GPT2: variants seen among roughly 807,000 people sequenced by gnomAD.
The protein encoded by GPT2 is glutamic--pyruvic transaminase 2.
In GPT2, 30 loss-of-function variants were observed where a neutral mutation model predicts 56.9. The ratio of observed to expected loss-of-function variants is 0.53; its 90% CI spans 0.39 to 0.72. GPT2 has a LOEUF of 0.72. Ranked by LOEUF, GPT2 falls within the 30% of genes least tolerant of loss-of-function variation. The pLI, the probability that GPT2 is intolerant of heterozygous loss-of-function variation, is 0.00. For missense variants in GPT2, 542 were observed against 703.4 expected (o/e 0.77, Z 2.60); for synonymous variants, 271 against 283.1 (o/e 0.96, Z 0.43).
At chr16:46,905,568 G>A (rs1374935829) in intron 4 of GPT2, among the ~76,000 whole-genome samples, 1 of 152,094 alleles carries the variant, frequency 6.6e-6, no homozygotes, top group Non-Finnish European at 1.5e-5. Context: ...TTCCACATCT[G>A]ACCCCCAGCC....
rs1961501788 is a variant in GPT2, at chr16:46,929,864, T to G, written c.*867T>G. 1 of 152,348 alleles carries G rather than the reference T, an allele frequency of 6.6e-6. No individual in the cohort carries two copies. The highest frequency in any genetic ancestry group is 6.5e-5 in the Admixed American group (1 of 15,280). 9.4% of individuals were successfully genotyped at this position (152,348 alleles called of 1,614,324 possible). The stretch of plus-strand genomic sequence containing the variant: ...TCCCGCGGGTGACCGGTGCCTGTTC[T>G]CCCCTGACCGAGCCTGTGAGCACAT... On this transcript the variant is annotated 3_prime_UTR_variant, in exon 12 of 12. Transcript: ENST00000340124.
At chr16:46,912,180 C>G (rs1961058816) in intron 6 of GPT2, among the ~76,000 whole-genome samples, 1 of 151,922 alleles carries the variant, frequency 6.6e-6, no homozygotes, top group Admixed American at 6.6e-5. Flanking sequence ...AAACCAGGAC[C>G]CTTTTGGTTT....
intron 2 of GPT2, among the ~76,000 whole-genome samples, chr16:46,893,710 C>T (rs1435495463): frequency 1.3e-5 from 2 of 152,080 alleles, no homozygotes; most frequent in Non-Finnish European, 2.9e-5. Context: ...GCCAAAGCGG[C>T]GGGAGGGGAG....
chr16:46,884,475 G>T lies in GPT2; in HGVS notation c.-23+8G>T. On this transcript the variant is annotated splice_region_variant and intron_variant, in intron 1 of 11. Transcript: ENST00000340124. ...GCCTACCAGGGGCGACAGGCACGTTGCATGCATGCCTTGGGCGCAGCCTTT... is the reference window on the plus strand; with the variant it reads ...GCCTACCAGGGGCGACAGGCACGTTTCATGCATGCCTTGGGCGCAGCCTTT... 1 of 373,912 alleles carries T rather than the reference G, an allele frequency of 2.7e-6. No individual in the cohort carries two copies. The highest frequency in any genetic ancestry group is 4.7e-6 in the Non-Finnish European group (1 of 214,950). 23.2% of individuals were successfully genotyped at this position (373,912 alleles called of 1,614,324 possible).
intron 8 of GPT2, among the ~76,000 whole-genome samples, chr16:46,919,480 T>C (rs1961239455): frequency 6.6e-6 from 1 of 152,078 alleles, no homozygotes; most frequent in African/African-American, 2.4e-5. Flanking sequence ...GGGAAGAGCA[T>C]TGCAGGCAGC....
At chr16:46,897,296 C>T (rs1215201217) in intron 2 of GPT2, among the ~76,000 whole-genome samples, 2 of 152,054 alleles carry the variant, frequency 1.3e-5, no homozygotes, top group East Asian at 1.9e-4. Flanking sequence ...TTGCTTGAAC[C>T]CAGGAGGTAG....
intron 11 of GPT2, among the ~76,000 whole-genome samples, chr16:46,928,092 C>G (rs1354452377): frequency 6.6e-6 from 1 of 152,086 alleles, no homozygotes; most frequent in Non-Finnish European, 1.5e-5. Flanking sequence ...TTTGGGAGGC[C>G]AAATTCAGGA....
chr16:46,894,786 G>T (rs908699687), intron 2 of GPT2, among the ~76,000 whole-genome samples: 41 of 152,018 alleles, frequency 2.7e-4, no homozygotes, highest in African/African-American at 8.7e-4. Flanking sequence ...CTGCCTCAGC[G>T]TCCCGAGTAG....
At chr16:46,918,284 C>T (rs903588655) in intron 7 of GPT2, among the ~76,000 whole-genome samples, 6 of 152,104 alleles carry the variant, frequency 3.9e-5, no homozygotes, top group Non-Finnish European at 5.9e-5. Flanking sequence ...AAGGAAGCAC[C>T]GTGCTTTAGG....
chr16:46,900,590 G>A, intron 3 of GPT2, 92 bp from the exon 4 acceptor site: 2 of 950,106 alleles, frequency 2.1e-6, no homozygotes, highest in South Asian at 1.5e-5. Flanking sequence ...CCCCATCCCT[G>A]GGAGCTGTCA....
intron 4 of GPT2, 54 bp from the exon 5 acceptor site, chr16:46,906,788 C>T: frequency 1.9e-6 from 3 of 1,604,704 alleles, no homozygotes; most frequent in Middle Eastern, 1.7e-4. Context: ...ATTATATTGA[C>T]CCTGTGGAGC....
chr16:46,917,375 G>A (rs1961189027), intron 7 of GPT2, among the ~76,000 whole-genome samples: 1 of 152,160 alleles, frequency 6.6e-6, no homozygotes, highest in African/African-American at 2.4e-5. Context: ...AGAAATGACT[G>A]ACGCCCACTC....
intron 2 of GPT2, among the ~76,000 whole-genome samples, chr16:46,887,382 C>T (rs778341674): frequency 6.6e-6 from 1 of 152,150 alleles, no homozygotes; most frequent in Non-Finnish European, 1.5e-5. Flanking sequence ...GCAGGAGAAT[C>T]GCTTGAACCC....
intron 2 of GPT2, among the ~76,000 whole-genome samples, chr16:46,887,281 A>C (rs959338306): frequency 1.3e-5 from 2 of 152,192 alleles, no homozygotes; most frequent in African/African-American, 4.8e-5. Flanking sequence ...CAGCCTGGCC[A>C]ACATGGGGAA....
At chr16:46,901,802 T>C (rs893135184) in intron 4 of GPT2, among the ~76,000 whole-genome samples, 3 of 152,160 alleles carry the variant, frequency 2.0e-5, no homozygotes, top group Non-Finnish European at 2.9e-5. Flanking sequence ...GTCTGGACAC[T>C]GTCTCTCTCA....
At chr16:46,908,290 G>A (rs1960977815) in intron 5 of GPT2, among the ~76,000 whole-genome samples, 1 of 150,646 alleles carries the variant, frequency 6.6e-6, no homozygotes, top group African/African-American at 2.4e-5. Context: ...GCAGTCCTGT[G>A]TTTGGGGGAC....
intron 4 of GPT2, among the ~76,000 whole-genome samples, chr16:46,905,143 A>G (rs1272806290): frequency 6.8e-6 from 1 of 147,128 alleles, no homozygotes; most frequent in South Asian, 2.2e-4. Flanking sequence ...TGCAACCTCC[A>G]CCTCCCGGGT....
chr16:46,901,322 G>A (rs1485802959), intron 4 of GPT2, among the ~76,000 whole-genome samples: 1 of 152,082 alleles, frequency 6.6e-6, no homozygotes, highest in East Asian at 1.9e-4. Context: ...CCCTCAAGCC[G>A]GCCCTCACTC....
At chr16:46,890,182 G>C (rs1193874154) in intron 2 of GPT2, among the ~76,000 whole-genome samples, 1 of 152,152 alleles carries the variant, frequency 6.6e-6, no homozygotes, top group Non-Finnish European at 1.5e-5. Flanking sequence ...TTTCTGTTTT[G>C]GGACCAGATC....
Sources: gnomAD v4.1 joint callset for allele counts (sites outside exome capture counted in the v4.1 genomes callset) on GRCh38, gnomAD v4.1.1 for gene constraint, MANE v1.5 for transcripts, NCBI Gene and HGNC (gene_info 2026-07-23, HGNC 2026-07-21) for gene names.